The following GREB1 variants were observed in gnomAD, a reference collection of about 807,000 sequenced individuals.
GREB1 encodes the protein protein GREB1.
In GREB1, 106 loss-of-function variants were observed where a neutral mutation model predicts 200.7. That is an observed-to-expected ratio of 0.53 (90% CI 0.45 to 0.62). GREB1 has a LOEUF of 0.62. Ranked by LOEUF, GREB1 falls within the 20% of genes least tolerant of loss-of-function variation. GREB1 has a pLI of 0.00. For synonymous variants in GREB1, 1,132 were observed against 1,092.4 expected, an observed-to-expected ratio of 1.04 and a Z score of -0.72; for missense variants, 2,243 against 2,556.8, an observed-to-expected ratio of 0.88 and a Z score of 2.65.
intron 30 of GREB1, 107 bp from the exon 31 acceptor site, chr2:11,637,607 CCT>C: frequency 2.4e-6 from 2 of 827,364 alleles, no homozygotes; most frequent in Non-Finnish European, 3.9e-6. Context: ...AGTTCATTCC[CCT>C]GAGTGACACA....
chr2:11,635,209 G>T, intron 29 of GREB1, 61 bp from the exon 30 acceptor site: 1 of 1,601,484 alleles, frequency 6.2e-7, no homozygotes, highest in Non-Finnish European at 8.5e-7. Flanking sequence ...GGTGCTGGGG[G>T]CAGTGACGGA....
intron 4 of GREB1, among the ~76,000 whole-genome samples, chr2:11,567,551 C>T (rs1009057440): frequency 4.6e-5 from 7 of 152,306 alleles, no homozygotes; most frequent in African/African-American, 1.2e-4. Context: ...AGATTCTACC[C>T]GGTACCATCC....
intron 1 of GREB1, among the ~76,000 whole-genome samples, chr2:11,504,415 A>G (rs1411694381): frequency 6.6e-6 from 1 of 152,234 alleles, no homozygotes; most frequent in East Asian, 1.9e-4. Context: ...TAATTCACAT[A>G]ACAGAAAACT....
At chr2:11,565,493 C>T (rs892019182) in intron 3 of GREB1, among the ~76,000 whole-genome samples, 2 of 152,198 alleles carry the variant, frequency 1.3e-5, no homozygotes, top group Non-Finnish European at 2.9e-5. Flanking sequence ...AGGTCTCAGT[C>T]GGGAGCTAAA....
At chr2:11,607,509 T>C (rs533967389) in intron 17 of GREB1, among the ~76,000 whole-genome samples, 3 of 134,112 alleles carry the variant, frequency 2.2e-5, no homozygotes, top group Non-Finnish European at 3.1e-5. Flanking sequence ...TATATACATA[T>C]ATGTACATAC....
chr2:11,508,894 G>GA (rs1673262228), intron 1 of GREB1, among the ~76,000 whole-genome samples: 1 of 142,628 alleles, frequency 7.0e-6, no homozygotes, highest in African/African-American at 2.6e-5. Context: ...TTTTTTTTCG[G>GA]GACAGAGTCT....
chr2:11,549,537 T>G (rs4487069), intron 1 of GREB1, among the ~76,000 whole-genome samples: 23,971 of 152,178 alleles, frequency 0.16, 2,795 homozygotes, highest in African/African-American at 0.34. Flanking sequence ...TGAAAAAACT[T>G]CAGCTTAATG....
At chr2:11,552,804 G>A (rs538238840) in intron 1 of GREB1, among the ~76,000 whole-genome samples, 14 of 152,140 alleles carry the variant, frequency 9.2e-5, no homozygotes, top group African/African-American at 2.4e-4. Flanking sequence ...GAGGTCAGGA[G>A]ATCGAGACCA....
intron 1 of GREB1, among the ~76,000 whole-genome samples, chr2:11,511,429 T>C (rs1032023310): frequency 4.9e-4 from 75 of 152,138 alleles, no homozygotes; most frequent in East Asian, 3.1e-3. Flanking sequence ...GGGATGGCAT[T>C]CTAGGTGGGG....
rs1681867589 is a variant in GREB1 at position 11,602,447 on chromosome 2, G to C, written c.2571G>C (p.Leu857=). 3 of 1,613,108 alleles carry C rather than the reference G, an allele frequency of 1.9e-6. No individual in the cohort carries two copies. The South Asian group carries it at 3.3e-5, about 18-fold the overall frequency. The change falls in exon 17 of 33, where the codon CTG becomes CTC. Residue 857 remains leucine (L), a synonymous_variant. Transcript: ENST00000381486. ...ATGAAAATAAGAAGTACTTCGGGCT[G>C]TCGGAGTTTATTGAATCCACCCTTT... The part of the protein sequence containing the change: ...LYHENKKYFG[L]SEFIESTLSG...
intron 1 of GREB1, among the ~76,000 whole-genome samples, chr2:11,552,991 C>T (rs1444516364): frequency 2.3e-5 from 3 of 128,612 alleles, no homozygotes; most frequent in African/African-American, 3.4e-5. Flanking sequence ...GCCTGGGCGA[C>T]AGAGCGAAAC....
chr2:11,533,941 A>G (rs1674169977), upstream of GREB1, among the ~76,000 whole-genome samples: 1 of 152,236 alleles, frequency 6.6e-6, no homozygotes. Context: ...CGCAGGGTTT[A>G]TGACGAATAC....
At chr2:11,630,439 G>A (rs1272797834) in intron 26 of GREB1, among the ~76,000 whole-genome samples, 7 of 152,176 alleles carry the variant, frequency 4.6e-5, no homozygotes, top group African/African-American at 1.2e-4. Context: ...TTCCGTGCCC[G>A]GAAGATAACA....
At chr2:11,520,734 G>A (rs1483745055) in intron 1 of GREB1, among the ~76,000 whole-genome samples, 1 of 152,056 alleles carries the variant, frequency 6.6e-6, no homozygotes, top group Non-Finnish European at 1.5e-5. Context: ...CATTATCTCC[G>A]CATCTCAAGG....
chr2:11,593,250 G>A lies in GREB1; in HGVS notation c.1696+124G>A, dbSNP rs530235374. ...GTTTGCAGCAGCAGTTAGCACCTGCGGTTTGTGCTCAGTAGCTGGCTTCAG... is the reference window on the plus strand; with the variant it reads ...GTTTGCAGCAGCAGTTAGCACCTGCAGTTTGTGCTCAGTAGCTGGCTTCAG... On this transcript the variant is annotated intron_variant, in intron 11 of 32. Coordinates refer to ENST00000381486, the MANE Select transcript of GREB1 (RefSeq NM_014668.4). 2.7e-4 allele frequency: 175 copies of A among 639,698 alleles called. No individual in the cohort carries two copies. In the African/African-American group the frequency reaches 3.2e-3, roughly 12 times the overall value. The allele number at this position is 639,698 out of a possible 1,614,324, so 39.6% of individuals were successfully genotyped here.
In GREB1 at chr2:11,610,775, G is replaced by T. The variant is rs369977260; in HGVS notation, c.2754G>T (p.Pro918=). The change falls in exon 18 of 33, where the codon CCG becomes CCT. Residue 918 remains proline (P), a synonymous_variant. Coordinates refer to ENST00000381486, the MANE Select transcript of GREB1 (RefSeq NM_014668.4). The part of the protein sequence containing the change: ...AAALMAVSGL[P]QMKNYTSVET... ...CCCTGATGGCCGTAAGCGGCCTCCC[G>T]CAGATGAAGAACTACACGTCGGTGG... 1.9e-6 allele frequency: 3 copies of T among 1,613,554 alleles called. No homozygotes were observed. Among genetic ancestry groups the T allele is most frequent in the Non-Finnish European group, 2.5e-6 (3 of 1,179,990 alleles).
At chr2:11,513,836 G>A (rs867603382) in intron 1 of GREB1, among the ~76,000 whole-genome samples, 5 of 152,278 alleles carry the variant, frequency 3.3e-5, no homozygotes, top group South Asian at 4.2e-4. Context: ...ACTCACATGG[G>A]CTGTAGTAAT....
chr2:11,483,032 C>A (rs564703823), intron 1 of GREB1, among the ~76,000 whole-genome samples: 2 of 151,554 alleles, frequency 1.3e-5, no homozygotes, highest in South Asian at 4.1e-4. Flanking sequence ...CTGCTCGGGG[C>A]GGGCACTCGG....
intron 4 of GREB1, among the ~76,000 whole-genome samples, chr2:11,569,660 A>T (rs540883798): frequency 6.6e-6 from 1 of 152,364 alleles, no homozygotes; most frequent in Non-Finnish European, 1.5e-5. Context: ...CAGTGGGTCT[A>T]TTATTATCTA....
Sources: gnomAD v4.1 joint callset for allele counts (sites outside exome capture counted in the v4.1 genomes callset) on GRCh38, gnomAD v4.1.1 for gene constraint, MANE v1.5 for transcripts, NCBI Gene and HGNC (gene_info 2026-07-23, HGNC 2026-07-21) for gene names.